PCDHA7: variants seen among roughly 807,000 people sequenced by gnomAD.
PCDHA7 encodes protocadherin alpha 7.
PCDHA7 carries 37 observed loss-of-function variants against 57.2 expected under a neutral mutation model. The observed-to-expected ratio is 0.65, with a 90% CI of 0.50 to 0.85. The LOEUF is 0.85. Among genes scored for constraint, PCDHA7 ranks in the 40% least tolerant of loss-of-function variants. The pLI, the probability that PCDHA7 is intolerant of heterozygous loss-of-function variation, is 0.00. For missense variants in PCDHA7, 1,188 were observed against 1,241.8 expected, an observed-to-expected ratio of 0.96 and a Z score of 0.65; for synonymous variants, 553 against 558.8, an observed-to-expected ratio of 0.99 and a Z score of 0.15.
At chr5:140,918,584 A>G (rs1296882763) in intron 1 of PCDHA7, among the ~76,000 whole-genome samples, 1 of 152,212 alleles carries the variant, frequency 6.6e-6, no homozygotes, top group Non-Finnish European at 1.5e-5. Context: ...TATTGGCTAT[A>G]TGTTCTATAG....
At chr5:140,977,461 G>A (rs1554238575) in intron 1 of PCDHA7, among the ~76,000 whole-genome samples, 1 of 152,120 alleles carries the variant, frequency 6.6e-6, no homozygotes, top group African/African-American at 2.4e-5. Context: ...CTTTGATTTG[G>A]TCTGTAGATA....
chr5:140,851,180 A>C lies in PCDHA7; in HGVS notation c.2355+14442A>C, dbSNP rs554158546. 42 of 1,251,052 alleles carry C rather than the reference A, an allele frequency of 3.4e-5. 2 individuals are homozygous for C. In the African/African-American group the frequency reaches 5.9e-4, roughly 18 times the overall value. 77.5% of individuals were successfully genotyped at this position (1,251,052 alleles called of 1,614,324 possible). On this transcript the variant is annotated intron_variant, in intron 1 of 3. Coordinates refer to ENST00000525929, the MANE Select transcript of PCDHA7 (RefSeq NM_018910.3). Reference sequence around the variant, plus strand: ...ATGCTATGCTGCCATAACACTTGAAAACCAATTTAGTTGTTAGTCATTCAT... The same window carrying C: ...ATGCTATGCTGCCATAACACTTGAACACCAATTTAGTTGTTAGTCATTCAT...
intron 1 of PCDHA7, among the ~76,000 whole-genome samples, chr5:140,962,961 T>C (rs1483172996): frequency 1.3e-5 from 2 of 152,148 alleles, no homozygotes; most frequent in African/African-American, 4.8e-5. Flanking sequence ...TCTATCCCTA[T>C]ATAGGAAATT....
Position 141,011,779 on chromosome 5 carries a change from A to G in PCDHA7, c.*1842A>G, listed in dbSNP as rs1407523783. On this transcript the variant is annotated 3_prime_UTR_variant, in exon 4 of 4. Transcript: ENST00000525929. ...CTTTGAAGTTGCAGAATGCTTTGAAATTCTAATGGTATCTGAAATATCAGC... is the reference window on the plus strand; with the variant it reads ...CTTTGAAGTTGCAGAATGCTTTGAAGTTCTAATGGTATCTGAAATATCAGC... The G allele has an allele frequency of 6.5e-6, 1 of 153,778 alleles. No homozygotes were observed. Among genetic ancestry groups the G allele is most frequent in the East Asian group, 1.9e-4 (1 of 5,202 alleles). 9.5% of individuals were successfully genotyped at this position (153,778 alleles called of 1,614,324 possible).
intron 1 of PCDHA7, chr5:140,878,062 T>C (rs1180266527): frequency 2.5e-6 from 1 of 403,164 alleles, no homozygotes; most frequent in East Asian, 4.6e-5. Context: ...ACACTTAATA[T>C]TTTTCTTTTT....
chr5:140,950,995 C>G (rs1554219713), intron 1 of PCDHA7, among the ~76,000 whole-genome samples: 1 of 151,856 alleles, frequency 6.6e-6, no homozygotes, highest in Non-Finnish European at 1.5e-5. Flanking sequence ...TCTTTTAGCT[C>G]CATTTTTCCC....
chr5:140,846,669 C>T (rs894601442), intron 1 of PCDHA7, among the ~76,000 whole-genome samples: 2 of 149,244 alleles, frequency 1.3e-5, no homozygotes, highest in Non-Finnish European at 3.0e-5. Flanking sequence ...CCACCGCGCC[C>T]AGCCTAAAAT....
rs781814958 is a variant in PCDHA7 at position 140,869,604 on chromosome 5, A to G, written c.2355+32866A>G. On this transcript the variant is annotated intron_variant, in intron 1 of 3. Transcript: ENST00000525929. ...ATGCTGACATTGAAGAGAATGCTCTATTGACCTACAGGCTAAGTAAAAATG... is the reference window on the plus strand; with the variant it reads ...ATGCTGACATTGAAGAGAATGCTCTGTTGACCTACAGGCTAAGTAAAAATG... 5 of 1,613,944 alleles carry G rather than the reference A, an allele frequency of 3.1e-6. No individual in the cohort carries two copies. In the African/African-American group the frequency reaches 4.0e-5, roughly 13 times the overall value.
intron 1 of PCDHA7, chr5:140,861,256 C>T (rs553582293): frequency 1.8e-5 from 3 of 166,694 alleles, no homozygotes; most frequent in African/African-American, 7.2e-5. Flanking sequence ...GCCAGGAATC[C>T]CGGAGCCTAC....
chr5:140,837,715 C>T (rs894661038), intron 1 of PCDHA7, among the ~76,000 whole-genome samples: 4 of 151,402 alleles, frequency 2.6e-5, no homozygotes, highest in Admixed American at 1.3e-4. Context: ...ACTCCATCAC[C>T]CAGGCTGCTG....
intron 1 of PCDHA7, among the ~76,000 whole-genome samples, chr5:140,886,777 G>A (rs2061124221): frequency 1.4e-5 from 2 of 140,408 alleles, no homozygotes; most frequent in South Asian, 4.7e-4. Flanking sequence ...AGTGAGATGA[G>A]ATCATGCTAC....
chr5:140,938,758 A>T (rs2153638695), intron 1 of PCDHA7, among the ~76,000 whole-genome samples: 1 of 152,274 alleles, frequency 6.6e-6, no homozygotes, highest in African/African-American at 2.4e-5. Flanking sequence ...AGGCATAGTT[A>T]TTGGGTACTA....
intron 1 of PCDHA7, chr5:140,927,184 G>A (rs781951426): frequency 1.2e-6 from 2 of 1,614,160 alleles, no homozygotes; most frequent in South Asian, 1.1e-5. Context: ...CTTGACCTAC[G>A]ACCTGGTGCT....
intron 1 of PCDHA7, among the ~76,000 whole-genome samples, chr5:140,978,306 A>C (rs2096795659): frequency 6.6e-6 from 1 of 152,230 alleles, no homozygotes; most frequent in Non-Finnish European, 1.5e-5. Flanking sequence ...GCACTCAGGA[A>C]GGAGCAGGAA....
intron 1 of PCDHA7, among the ~76,000 whole-genome samples, chr5:140,953,094 C>A (rs2094845891): frequency 6.6e-6 from 1 of 152,172 alleles, no homozygotes; most frequent in South Asian, 2.1e-4. Flanking sequence ...TACAATTTGA[C>A]ATGAGATTTG....
chr5:140,967,700 G>A lies in PCDHA7; in HGVS notation c.2356-11249G>A. ...GGAGAGGCAGCTCTTCAGCATAGAT[G>A]CCAGTACCGGGGAAGTGCGAGTAAT... On this transcript the variant is annotated intron_variant, in intron 1 of 3. Transcript: ENST00000525929. 4 of 1,614,196 alleles carry A rather than the reference G, an allele frequency of 2.5e-6. No homozygotes were observed. In the South Asian group the frequency reaches 4.4e-5, roughly 18 times the overall value.
intron 1 of PCDHA7, chr5:140,843,207 G>A (rs1778678462): frequency 1.3e-6 from 2 of 1,595,886 alleles, no homozygotes; most frequent in Admixed American, 1.7e-5. Flanking sequence ...CTGTACACGG[G>A]CGAGATCAGC....
intron 1 of PCDHA7, chr5:140,927,032 C>T: frequency 6.2e-7 from 1 of 1,612,120 alleles, no homozygotes; most frequent in Non-Finnish European, 8.5e-7. Context: ...AGGCTGCCAG[C>T]GGCCGCTATG....
In PCDHA7 at chr5:140,870,881, T is replaced by C. The variant is rs782030647; in HGVS notation, c.2355+34143T>C. 3.7e-6 allele frequency: 6 copies of C among 1,613,870 alleles called. No individual in the cohort carries two copies. The South Asian group carries it at 5.5e-5, about 15-fold the overall frequency. On this transcript the variant is annotated intron_variant, in intron 1 of 3. Transcript: ENST00000525929. ...GGTGCGGGCCACGTGGTGGCGAAGG[T>C]GCGCGCAGTGGATGCGGACTCAGGC...
Sources: gnomAD v4.1 joint callset for allele counts (sites outside exome capture counted in the v4.1 genomes callset) on GRCh38, gnomAD v4.1.1 for gene constraint, MANE v1.5 for transcripts, NCBI Gene and HGNC (gene_info 2026-07-23, HGNC 2026-07-21) for gene names.